Variants in RAPGEF5 observed in about 807,000 individuals in gnomAD.
RAPGEF5 encodes the protein Rap guanine nucleotide exchange factor 5.
A neutral mutation model predicts 125.2 loss-of-function variants in RAPGEF5; 65 were observed. That is an observed-to-expected ratio of 0.52 (90% confidence interval 0.43 to 0.64). The LOEUF is 0.64. RAPGEF5 is among the 30% of genes least tolerant of loss of function. RAPGEF5 has a pLI of 0.00. For synonymous variants in RAPGEF5, 391 were observed against 385.9 expected (o/e 1.01, Z -0.16); for missense variants, 958 against 1,048.1 (o/e 0.91, Z 1.19).
intron 24 of RAPGEF5, 149 bp downstream of exon 24, chr7:22,130,888 T>C: frequency 9.0e-7 from 1 of 1,106,770 alleles, no homozygotes; most frequent in Non-Finnish European, 1.3e-6. Context: ...ATGCAGCAAA[T>C]AAGCTCCTTG....
At chr7:22,216,716 A>T (rs1051758470) in intron 9 of RAPGEF5, among the ~76,000 whole-genome samples, 5 of 152,314 alleles carry the variant, frequency 3.3e-5, no homozygotes, top group African/African-American at 1.2e-4. Flanking sequence ...TTTTCAACAC[A>T]TAGGAATGAG....
At chr7:22,283,589 A>T (rs1782725239) in intron 6 of RAPGEF5, among the ~76,000 whole-genome samples, 1 of 152,190 alleles carries the variant, frequency 6.6e-6, no homozygotes, top group East Asian at 1.9e-4. Context: ...TCATCCTTTT[A>T]AAGCTCCGTC....
intron 14 of RAPGEF5, among the ~76,000 whole-genome samples, chr7:22,159,752 G>A (rs1460708204): frequency 6.6e-6 from 1 of 152,112 alleles, no homozygotes; most frequent in African/African-American, 2.4e-5. Context: ...TGAGTAAATG[G>A]CTTTTTAAAG....
At chr7:22,187,181 T>C (rs1784850848) in intron 11 of RAPGEF5, among the ~76,000 whole-genome samples, 1 of 151,850 alleles carries the variant, frequency 6.6e-6, no homozygotes, top group African/African-American at 2.4e-5. Context: ...AAATTGACTT[T>C]GGAGGTCATC....
chr7:22,352,890 A>C (rs1784355706), intron 1 of RAPGEF5, among the ~76,000 whole-genome samples: 2 of 152,346 alleles, frequency 1.3e-5, no homozygotes, highest in South Asian at 4.1e-4. Context: ...CCTAATGAAA[A>C]GGATCTAGGC....
chr7:22,123,272 C>T (rs903647864), intron 25 of RAPGEF5, among the ~76,000 whole-genome samples: 5 of 152,116 alleles, frequency 3.3e-5, no homozygotes, highest in Admixed American at 2.6e-4. Flanking sequence ...TGCTAGCGTC[C>T]GTGCTGATAA....
intron 9 of RAPGEF5, among the ~76,000 whole-genome samples, chr7:22,204,731 G>A (rs1307744516): frequency 6.6e-6 from 1 of 152,164 alleles, no homozygotes; most frequent in Non-Finnish European, 1.5e-5. Flanking sequence ...TTTGAAACAA[G>A]GTTGGGATAA....
chr7:22,169,356 G>A (rs1001026562), intron 11 of RAPGEF5, among the ~76,000 whole-genome samples: 1 of 152,170 alleles, frequency 6.6e-6, no homozygotes, highest in African/African-American at 2.4e-5. Context: ...AATATATAAT[G>A]TGTGCCTTTC....
intron 1 of RAPGEF5, among the ~76,000 whole-genome samples, chr7:22,319,399 C>T (rs542229152): frequency 6.6e-6 from 1 of 152,336 alleles, no homozygotes; most frequent in South Asian, 2.1e-4. Context: ...TTCCCCAGGC[C>T]ACATGGCCCT....
chr7:22,194,701 T>G (rs1785105387), intron 9 of RAPGEF5: 2 of 985,324 alleles, frequency 2.0e-6, no homozygotes, highest in South Asian at 4.7e-5. Context: ...TCGGATGCCA[T>G]GGATGACTGC....
chr7:22,284,362 A>T (rs768755768), intron 6 of RAPGEF5, among the ~76,000 whole-genome samples: 1 of 152,182 alleles, frequency 6.6e-6, no homozygotes, highest in Non-Finnish European at 1.5e-5. Context: ...ACAGATTGAA[A>T]CACAAGAAGA....
rs952521450 is a variant in RAPGEF5 at position 22,120,619 on chromosome 7, C to A, written c.*1787G>T. ...CCAGCCGTGAGGGAAGTCTGCTCTC[C>A]GGTTCTCACGGCTCTGGTGTCCTGT... On this transcript the variant is annotated 3_prime_UTR_variant, in exon 26 of 26. Transcript: ENST00000665637. This position sits in a 1 kb window ranked among gnomAD's most constrained non-coding sequence, Gnocchi z 4.0. 1 of 152,606 alleles carries A rather than the reference C, an allele frequency of 6.6e-6. No homozygotes were observed. The highest frequency in any genetic ancestry group is 2.1e-4 in the South Asian group (1 of 4,810). 9.5% of individuals were successfully genotyped at this position (152,606 alleles called of 1,614,324 possible).
intron 6 of RAPGEF5, among the ~76,000 whole-genome samples, chr7:22,286,562 C>T (rs911694523): frequency 6.6e-6 from 1 of 152,168 alleles, no homozygotes; most frequent in Non-Finnish European, 1.5e-5. Context: ...GTCTAGAATA[C>T]GTTTTTATCT....
At chr7:22,272,317 T>C (rs558484720) in intron 6 of RAPGEF5, among the ~76,000 whole-genome samples, 142 of 121,808 alleles carry the variant, frequency 1.2e-3, no homozygotes, top group African/African-American at 4.4e-3. Context: ...CACTTCAGCC[T>C]GGGCAACAGA....
chr7:22,354,514 A>G (rs1188914587), intron 1 of RAPGEF5, among the ~76,000 whole-genome samples: 1 of 152,188 alleles, frequency 6.6e-6, no homozygotes, highest in Non-Finnish European at 1.5e-5. Flanking sequence ...TTCTACTTGT[A>G]TCTCTCTTTC....
chr7:22,165,800 A>G (rs1229116550), intron 12 of RAPGEF5, among the ~76,000 whole-genome samples: 1 of 151,992 alleles, frequency 6.6e-6, no homozygotes, highest in Non-Finnish European at 1.5e-5. Context: ...GAGAAAGGAT[A>G]TTAAATAAGC....
intron 1 of RAPGEF5, among the ~76,000 whole-genome samples, chr7:22,340,021 A>G (rs751592536): frequency 6.6e-6 from 1 of 152,152 alleles, no homozygotes; most frequent in Non-Finnish European, 1.5e-5. Context: ...AAAAAAAATT[A>G]ATAGATTGGG....
chr7:22,198,467 G>A (rs1344149840), intron 9 of RAPGEF5, among the ~76,000 whole-genome samples: 1 of 152,208 alleles, frequency 6.6e-6, no homozygotes, highest in Non-Finnish European at 1.5e-5. Context: ...CTTAGCTTGA[G>A]AGTAGCTCAT....
intron 5 of RAPGEF5, among the ~76,000 whole-genome samples, chr7:22,307,895 A>G (rs749388983): frequency 6.6e-6 from 1 of 152,176 alleles, no homozygotes; most frequent in East Asian, 1.9e-4. Context: ...TCATATAGTG[A>G]TTCAGTATCT....
Sources: gnomAD v4.1 joint callset for allele counts (sites outside exome capture counted in the v4.1 genomes callset) on GRCh38, gnomAD v4.1.1 for gene constraint, Gnocchi (gnomAD v3.1) non-coding constraint, MANE v1.5 for transcripts, NCBI Gene and HGNC (gene_info 2026-07-23, HGNC 2026-07-21) for gene names.